The following CASP5 variants were observed in gnomAD, a reference collection of about 807,000 sequenced individuals.
The protein encoded by CASP5 is caspase 5.
CASP5 carries 42 observed loss-of-function variants against 45.2 expected under a neutral mutation model. That is an observed-to-expected ratio of 0.93 (90% CI 0.73 to 1.20). The LOEUF (loss-of-function observed/expected upper bound fraction) is 1.20. Ranked by LOEUF, CASP5 falls within the 50% of genes most tolerant of loss-of-function variation. The pLI, the probability that CASP5 is intolerant of heterozygous loss-of-function variation, is 0.00. For synonymous variants in CASP5, 209 were observed against 186.2 expected, an observed-to-expected ratio of 1.12 and a Z score of -1.00; for missense variants, 512 against 532.2, an observed-to-expected ratio of 0.96 and a Z score of 0.37.
intron 8 of CASP5, 69 bp from the exon 9 acceptor site, chr11:104,995,911 C>A: frequency 1.1e-6 from 1 of 950,798 alleles, no homozygotes; most frequent in South Asian, 1.4e-5. Flanking sequence ...ACACCATGAA[C>A]CAGGAAATGC....
chr11:105,022,333 G>GA (rs1001707160), intron 1 of CASP5, among the ~76,000 whole-genome samples: 10 of 148,854 alleles, frequency 6.7e-5, no homozygotes, highest in Admixed American at 1.3e-4. Flanking sequence ...ATAAATTAAA[G>GA]AAAAAAAAAG....
chr11:105,006,753 G>T (rs1862016133), intron 3 of CASP5, among the ~76,000 whole-genome samples: 1 of 152,142 alleles, frequency 6.6e-6, no homozygotes, highest in Admixed American at 6.6e-5. Flanking sequence ...TGACTAGGGA[G>T]AATGGAAGGT....
intron 3 of CASP5, among the ~76,000 whole-genome samples, chr11:105,005,533 A>G (rs898137081): frequency 1.5e-4 from 23 of 152,156 alleles, no homozygotes; most frequent in African/African-American, 5.1e-4. Flanking sequence ...CTAATAGCCC[A>G]GCCCACCCAG....
chr11:105,001,261 C>T (rs1861710381), intron 5 of CASP5, among the ~76,000 whole-genome samples: 1 of 152,196 alleles, frequency 6.6e-6, no homozygotes, highest in South Asian at 2.1e-4. Context: ...ATTTTACCTC[C>T]ACTCTAACCT....
chr11:105,009,608 A>G (rs1007357539), intron 1 of CASP5, among the ~76,000 whole-genome samples: 1 of 149,830 alleles, frequency 6.7e-6, no homozygotes, highest in Admixed American at 6.7e-5. Flanking sequence ...TCAAACCAAA[A>G]TTTAGAATTG....
rs1405634480 is a variant in CASP5, at chr11:105,009,633, ATAT to A, written c.8-656_8-654del. Among the ~76,000 whole-genome samples, 3 of 148,528 alleles carry A rather than the reference ATAT, an allele frequency of 2.0e-5. No homozygotes were observed. In the East Asian group the frequency reaches 5.9e-4, roughly 29 times the overall value. On this transcript the variant is annotated intron_variant, in intron 1 of 9. Coordinates refer to ENST00000260315, the MANE Select transcript of CASP5 (RefSeq NM_004347.5). ...ATTTAGAATTGAAAATATTTAACAA[ATAT>A]TATGGTAGATTAATATAATACTGAG...
rs772098933 is a variant in CASP5, at chr11:105,000,384, C to G, written c.829G>C (p.Ala277Pro). The G allele has an allele frequency of 1.9e-6, 3 of 1,614,184 alleles. No homozygotes were observed. In the East Asian group the frequency reaches 6.7e-5, roughly 36 times the overall value. ...ACATCCGGTTTTTTCTTTTTATGCG[C>G]AGTTCCGCAGATTCCCTCTAGGATG... ...HGILEGICGTAHKKKKPDVLL... is the reference protein window; with the variant it reads ...HGILEGICGTPHKKKKPDVLL... Residue 277 changes from alanine (A) to proline (P), a missense_variant, in exon 6 of 10, where the codon GCG (alanine) becomes CCG (proline). Transcript: ENST00000260315.
intron 5 of CASP5, 116 bp from the exon 6 acceptor site, chr11:105,000,611 C>T: frequency 1.1e-6 from 1 of 894,318 alleles, no homozygotes; most frequent in South Asian, 1.6e-5. Context: ...TGGTGCTTCA[C>T]ATAGCGCTTA....
rs140440738 is a variant in CASP5, at chr11:105,007,331, T to A, written c.185A>T (p.Asp62Val). 39 of 1,592,312 alleles carry A rather than the reference T, an allele frequency of 2.4e-5. No homozygotes were observed. In the African/African-American group the frequency reaches 4.5e-4, roughly 18 times the overall value. Residue 62 changes from aspartate to valine, a missense_variant, in exon 3 of 10, where the codon GAC becomes GTC. Coordinates refer to ENST00000260315, the MANE Select transcript of CASP5 (RefSeq NM_004347.5). The stretch of plus-strand genomic sequence containing the variant: ...CTTAACTGTTTTTTTTTTGTGGTTG[T>A]CTTCTGTCAGAAATAGAAAGACTCC... ...TDQKSTSVKKDNHKKKTVKML... is the reference protein window; with the variant it reads ...TDQKSTSVKKVNHKKKTVKML...
chr11:105,003,714 T>G (rs1375316832), intron 3 of CASP5, among the ~76,000 whole-genome samples: 1 of 152,136 alleles, frequency 6.6e-6, no homozygotes, highest in Non-Finnish European at 1.5e-5. Flanking sequence ...GCTAGGGTAC[T>G]CATTCATTTA....
At chr11:105,011,360 G>T (rs1030832470) in intron 1 of CASP5, among the ~76,000 whole-genome samples, 1 of 151,608 alleles carries the variant, frequency 6.6e-6, no homozygotes, top group Admixed American at 6.6e-5. Flanking sequence ...CATACTCAAT[G>T]GTGAAAAGAT....
chr11:105,020,733 C>T (rs1862908012), intron 1 of CASP5, among the ~76,000 whole-genome samples: 1 of 151,730 alleles, frequency 6.6e-6, no homozygotes, highest in Admixed American at 6.6e-5. Flanking sequence ...GCCATACTGC[C>T]CAAGATAATT....
At chr11:105,017,216 G>T (rs367600996) in intron 1 of CASP5, among the ~76,000 whole-genome samples, 1 of 152,140 alleles carries the variant, frequency 6.6e-6, no homozygotes, top group African/African-American at 2.4e-5. Flanking sequence ...AAAAAACAGA[G>T]CAGAAAAACT....
chr11:105,020,606 T>G (rs1862899317), intron 1 of CASP5, among the ~76,000 whole-genome samples: 1 of 150,512 alleles, frequency 6.6e-6, no homozygotes, highest in Non-Finnish European at 1.5e-5. Context: ...ACAAGGGATG[T>G]GAAGGACCTC....
chr11:105,005,848 G>A (rs1861977077), intron 3 of CASP5, among the ~76,000 whole-genome samples: 1 of 152,056 alleles, frequency 6.6e-6, no homozygotes, highest in Admixed American at 6.6e-5. Context: ...GCCATTCCAG[G>A]TTTGAGGAAA....
chr11:105,016,758 T>C (rs1264580663), intron 1 of CASP5, among the ~76,000 whole-genome samples: 15 of 151,898 alleles, frequency 9.9e-5, no homozygotes, highest in Non-Finnish European at 1.3e-4. Flanking sequence ...CAGGCTTGCT[T>C]AGGTAAACAA....
chr11:105,004,695 G>A (rs1861917419), intron 3 of CASP5, among the ~76,000 whole-genome samples: 1 of 152,034 alleles, frequency 6.6e-6, no homozygotes. Flanking sequence ...TAAAGTAAAT[G>A]TCTTGCTAAA....
intron 6 of CASP5, among the ~76,000 whole-genome samples, chr11:104,999,286 T>A (rs1308490057): frequency 6.6e-6 from 1 of 152,164 alleles, no homozygotes; most frequent in Non-Finnish European, 1.5e-5. Flanking sequence ...CCCTCACTTA[T>A]AAGTGAGAAC....
At chr11:105,003,132 C>G in intron 4 of CASP5, 142 bp downstream of exon 4, 1 of 619,164 alleles carries the variant, frequency 1.6e-6, no homozygotes, top group South Asian at 2.0e-5. Context: ...CCCATGTGTT[C>G]AAGATAGCAG....
Sources: gnomAD v4.1 joint callset for allele counts (sites outside exome capture counted in the v4.1 genomes callset) on GRCh38, gnomAD v4.1.1 for gene constraint, MANE v1.5 for transcripts, NCBI Gene and HGNC (gene_info 2026-07-23, HGNC 2026-07-21) for gene names.